PGBD5: variants seen among roughly 807,000 people sequenced by gnomAD.
The protein encoded by PGBD5 is piggyBac transposable element-derived protein 5.
Under a neutral mutation model 47.9 loss-of-function variants are expected in PGBD5, and 14 were observed. The ratio of observed to expected loss-of-function variants is 0.29; its 90% CI spans 0.19 to 0.46. The LOEUF is 0.46. PGBD5 is among the 20% of genes least tolerant of loss of function. The pLI, the probability that PGBD5 is intolerant of heterozygous loss-of-function variation, is 1.00. For missense variants in PGBD5, 635 were observed against 716.0 expected, an observed-to-expected ratio of 0.89 and a Z score of 1.29; for synonymous variants, 316 against 306.3, an observed-to-expected ratio of 1.03 and a Z score of -0.33.
At chr1:230,408,820 A>G (rs1480893822) in intron 1 of PGBD5, among the ~76,000 whole-genome samples, 3 of 152,194 alleles carry the variant, frequency 2.0e-5, no homozygotes, top group Non-Finnish European at 2.9e-5. Flanking sequence ...TAGCTAGGAC[A>G]CCAAAAACAA....
chr1:230,402,884 T>C (rs1050047147), intron 1 of PGBD5, among the ~76,000 whole-genome samples: 4 of 152,244 alleles, frequency 2.6e-5, no homozygotes, highest in Non-Finnish European at 5.9e-5. Context: ...CAACTGCTTA[T>C]ATGACCATTG....
chr1:230,315,824 A>G lies in PGBD5; in HGVS notation c.*7601T>C, dbSNP rs549958021. The G allele has an allele frequency of 2.1e-5, 3 of 145,146 alleles. 1 individual carries two copies. In the South Asian group the frequency reaches 6.8e-4, roughly 33 times the overall value. 9.0% of individuals were successfully genotyped at this position (145,146 alleles called of 1,614,324 possible). On this transcript the variant is annotated 3_prime_UTR_variant, in exon 7 of 7. Coordinates refer to ENST00000391860, the MANE Select transcript of PGBD5 (RefSeq NM_001258311.2). ...CATATATGTATATGTGCATACATATAGAGGTATACATATAGATGCATATCT... is the reference window on the plus strand; with the variant it reads ...CATATATGTATATGTGCATACATATGGAGGTATACATATAGATGCATATCT...
chr1:230,327,095 C>T (rs946879699), intron 5 of PGBD5, among the ~76,000 whole-genome samples: 4 of 152,102 alleles, frequency 2.6e-5, no homozygotes, highest in Admixed American at 6.5e-5. Context: ...GAAGATGAGA[C>T]GGACGCCTTC....
chr1:230,360,540 C>G (rs892765551), intron 1 of PGBD5, among the ~76,000 whole-genome samples: 1 of 152,134 alleles, frequency 6.6e-6, no homozygotes, highest in Admixed American at 6.5e-5. Context: ...ATGCTGTTCT[C>G]GTGATAGTGA....
chr1:230,409,099 A>G (rs6695213), intron 1 of PGBD5, among the ~76,000 whole-genome samples: 12,997 of 152,276 alleles, frequency 0.085, 723 homozygotes, highest in South Asian at 0.22. Context: ...CAGTTGGCAT[A>G]TGAGAAGATG....
chr1:230,351,148 T>A, intron 2 of PGBD5, 56 bp from the exon 3 acceptor site: 1 of 1,538,150 alleles, frequency 6.5e-7, no homozygotes, highest in Non-Finnish European at 8.7e-7. Flanking sequence ...GCTTGAGGGC[T>A]CATCAGATTG....
chr1:230,326,223 G>C (rs1478173116), intron 5 of PGBD5, among the ~76,000 whole-genome samples: 3 of 152,172 alleles, frequency 2.0e-5, no homozygotes, highest in Non-Finnish European at 4.4e-5. Context: ...TTTGAGATTA[G>C]CCTGGCCAAC....
intron 1 of PGBD5, among the ~76,000 whole-genome samples, chr1:230,364,793 G>T (rs968643941): frequency 6.6e-6 from 1 of 152,214 alleles, no homozygotes; most frequent in Admixed American, 6.5e-5. Context: ...GGCCAAGGTG[G>T]ATGGATCACC....
intron 1 of PGBD5, among the ~76,000 whole-genome samples, chr1:230,392,804 C>G (rs1041180426): frequency 1.3e-5 from 2 of 152,150 alleles, no homozygotes; most frequent in Admixed American, 6.5e-5. Context: ...GCTGGAGGGG[C>G]TGAGCTAGAA....
At chr1:230,404,627 A>AT (rs1453429430) in intron 1 of PGBD5, among the ~76,000 whole-genome samples, 3,701 of 129,358 alleles carry the variant, frequency 0.029, 79 homozygotes, top group East Asian at 0.15. Flanking sequence ...AAAAAAAAAA[A>AT]AAATATATAT....
rs528259128 is a variant in PGBD5, at chr1:230,321,519, G to T, written c.*1906C>A. On this transcript the variant is annotated 3_prime_UTR_variant, in exon 7 of 7. Coordinates refer to ENST00000391860, the MANE Select transcript of PGBD5 (RefSeq NM_001258311.2). Reference sequence around the variant, plus strand: ...GGCTTTCGCCATGTTGCCAATGCTGGTCTCAAACTCCTGGACTCAAGCGAT... The same window carrying T: ...GGCTTTCGCCATGTTGCCAATGCTGTTCTCAAACTCCTGGACTCAAGCGAT... 1 of 152,206 alleles carries T rather than the reference G, an allele frequency of 6.6e-6. No individual in the cohort carries two copies. Among genetic ancestry groups the T allele is most frequent in the Non-Finnish European group, 1.5e-5 (1 of 68,056 alleles). 9.4% of individuals were successfully genotyped at this position (152,206 alleles called of 1,614,324 possible). A position where few individuals can be genotyped will look rare whatever the true frequency, so the allele number is the denominator to read the frequency against.
At chr1:230,377,770 AGCATCCG>A in intron 1 of PGBD5, 1 of 1,250,210 alleles carries the variant, frequency 8.0e-7, no homozygotes, top group East Asian at 2.9e-5. Context: ...AGCACAGTGC[AGCATCCG>A]GCTCATACAT....
At chr1:230,332,533 A>G (rs1411562330) in intron 5 of PGBD5, among the ~76,000 whole-genome samples, 1 of 152,184 alleles carries the variant, frequency 6.6e-6, no homozygotes, top group Non-Finnish European at 1.5e-5. Flanking sequence ...CCAGACGACA[A>G]AGTGAAATGC....
chr1:230,401,460 G>T (rs1657137246), intron 1 of PGBD5, among the ~76,000 whole-genome samples: 1 of 152,230 alleles, frequency 6.6e-6, no homozygotes, highest in South Asian at 2.1e-4. Context: ...GGGCCAGGGA[G>T]AAGCGTAAAT....
chr1:230,398,134 A>C lies in PGBD5; in HGVS notation c.331+27464T>G, dbSNP rs149021099. Among the ~76,000 whole-genome samples the C allele has an allele frequency of 4.0e-3, 610 of 152,334 alleles. 1 individual carries two copies. The highest frequency in any genetic ancestry group is 0.01 in the Middle Eastern group (3 of 294). On this transcript the variant is annotated intron_variant, in intron 1 of 6. Transcript: ENST00000391860. ...CTGAGACCGCTCCATCTGAACCCCC[A>C]GAATCCAGCCTCCCTGCCTTGCTTT...
intron 1 of PGBD5, among the ~76,000 whole-genome samples, chr1:230,363,570 A>C (rs1667783412): frequency 6.6e-6 from 1 of 151,292 alleles, no homozygotes; most frequent in African/African-American, 2.5e-5. Context: ...TGACAGAGCG[A>C]GACTCCATCT....
rs1010328681 is a variant in PGBD5, at chr1:230,410,667, A to C, written c.331+14931T>G. Among the ~76,000 whole-genome samples, 6 of 152,314 alleles carry C rather than the reference A, an allele frequency of 3.9e-5. No individual in the cohort carries two copies. In the East Asian group the frequency reaches 9.6e-4, roughly 24 times the overall value. Reference sequence around the variant, plus strand: ...CATATCAAAATTTATAGAACACTCCAGAAGATTTACTCTGAGGAGACTTTA... The same window carrying C: ...CATATCAAAATTTATAGAACACTCCCGAAGATTTACTCTGAGGAGACTTTA... On this transcript the variant is annotated intron_variant, in intron 1 of 6. Coordinates refer to ENST00000391860, the MANE Select transcript of PGBD5 (RefSeq NM_001258311.2).
At chr1:230,363,328 TC>T (rs916109868) in intron 1 of PGBD5, among the ~76,000 whole-genome samples, 1 of 152,190 alleles carries the variant, frequency 6.6e-6, no homozygotes, top group Admixed American at 6.5e-5. Context: ...ATGCCTGTAA[TC>T]CCAGTACTTT....
intron 1 of PGBD5, among the ~76,000 whole-genome samples, chr1:230,413,343 T>C (rs1206529890): frequency 6.6e-6 from 1 of 151,958 alleles, no homozygotes; most frequent in Non-Finnish European, 1.5e-5. Context: ...GAGCAGAATT[T>C]CGAGCAAAAA....
Sources: gnomAD v4.1 joint callset for allele counts (sites outside exome capture counted in the v4.1 genomes callset) on GRCh38, gnomAD v4.1.1 for gene constraint, MANE v1.5 for transcripts, NCBI Gene and HGNC (gene_info 2026-07-23, HGNC 2026-07-21) for gene names.